EFCAB11: variants seen among roughly 807,000 people sequenced by gnomAD.
The protein encoded by EFCAB11 is EF-hand calcium-binding domain-containing protein 11.
A neutral mutation model predicts 23.0 loss-of-function variants in EFCAB11; 14 were observed. That is an observed-to-expected ratio of 0.61 (90% CI 0.40 to 0.95). The LOEUF (loss-of-function observed/expected upper bound fraction) is 0.95, where lower values mean the gene tolerates loss of function less well. EFCAB11 is among the 40% of genes least tolerant of loss of function. The pLI is 0.00. For missense variants in EFCAB11, 198 were observed against 195.8 expected (o/e 1.01, Z -0.07); for synonymous variants, 65 against 66.6 (o/e 0.98, Z 0.11).
chr14:89,838,084 C>T (rs559979697), intron 5 of EFCAB11, among the ~76,000 whole-genome samples: 27 of 152,140 alleles, frequency 1.8e-4, no homozygotes, highest in African/African-American at 5.8e-4. Context: ...CCAAAGAGAA[C>T]CTTTATAGGG....
At chr14:89,848,808 T>G (rs1487426852) in intron 5 of EFCAB11, 5 of 152,216 alleles carry the variant, frequency 3.3e-5, no homozygotes, top group African/African-American at 1.2e-4. Context: ...GCACCTGTAG[T>G]CCTAACTACT....
At chr14:89,824,123 C>A (rs527605077) in intron 5 of EFCAB11, among the ~76,000 whole-genome samples, 1 of 152,116 alleles carries the variant, frequency 6.6e-6, no homozygotes, top group South Asian at 2.1e-4. Context: ...CTATAAAAAA[C>A]AACACCATAA....
intron 5 of EFCAB11, among the ~76,000 whole-genome samples, chr14:89,851,262 T>G (rs2140139565): frequency 1.3e-5 from 2 of 152,326 alleles, no homozygotes; most frequent in Middle Eastern, 6.8e-3. Context: ...AAATCTTGGC[T>G]TGCACCCAAA....
intron 5 of EFCAB11, among the ~76,000 whole-genome samples, chr14:89,901,710 A>G (rs1889343335): frequency 6.6e-6 from 1 of 152,224 alleles, no homozygotes; most frequent in Non-Finnish European, 1.5e-5. Context: ...AATATATAAT[A>G]CAATATAAAT....
At chr14:89,848,922 G>A (rs1770212055) in intron 5 of EFCAB11, 1 of 152,152 alleles carries the variant, frequency 6.6e-6, no homozygotes, top group Non-Finnish European at 1.5e-5. Flanking sequence ...GCGAGACTCT[G>A]TCTCAAGAAA....
chr14:89,886,539 AAAAAAG>A lies in EFCAB11; in HGVS notation c.410+44996_410+45001del, dbSNP rs1232462343. ...TCTCAAAAAAAAAAAAAAAAAAAAA[AAAAAAG>A]GAAAGTGATCTGCTTTACTCAAGAT... On this transcript the variant is annotated intron_variant, in intron 5 of 5. Transcript: ENST00000316738. Among the ~76,000 whole-genome samples, 23 of 145,362 alleles carry A rather than the reference AAAAAAG, an allele frequency of 1.6e-4. 2 individuals carry two copies. The highest frequency in any genetic ancestry group is 5.3e-4 in the African/African-American group (20 of 37,850).
intron 5 of EFCAB11, among the ~76,000 whole-genome samples, chr14:89,904,972 G>A (rs1243415601): frequency 1.3e-5 from 2 of 152,122 alleles, no homozygotes; most frequent in South Asian, 2.1e-4. Context: ...AGATTTATTA[G>A]TTTTTTCTAT....
In EFCAB11 at chr14:89,932,619, G is replaced by A. The variant is rs989068234; in HGVS notation, c.226C>T (p.Leu76Phe). ...CTGACAATATTTAAAAACCCCTCGA[G>A]TAATATACCTAAAAGTTGGGGAAAA... Reference protein sequence around the residue: ...SINPNTSGILLEGFLNIVRKK... With the variant: ...SINPNTSGILFEGFLNIVRKK... Residue 76 changes from leucine (L) to phenylalanine (F), a missense_variant, in exon 4 of 6, where the codon CTC becomes TTC. By Grantham distance (22) the Leu-to-Phe change is conservative. Transcript: ENST00000316738. The A allele has an allele frequency of 7.4e-6, 12 of 1,612,538 alleles. No homozygotes were observed. The highest frequency in any genetic ancestry group is 1.0e-5 in the Non-Finnish European group (12 of 1,179,210).
At chr14:89,884,618 A>G (rs977760311) in intron 5 of EFCAB11, among the ~76,000 whole-genome samples, 3 of 152,234 alleles carry the variant, frequency 2.0e-5, no homozygotes, top group African/African-American at 7.2e-5. Flanking sequence ...TAAAACTACT[A>G]TTGTTTGAAG....
intron 3 of EFCAB11, among the ~76,000 whole-genome samples, chr14:89,944,975 AAT>A (rs565818054): frequency 0.019 from 1,845 of 98,440 alleles, 131 homozygotes; most frequent in African/African-American, 0.049. Context: ...TAGATCTAAT[AAT>A]AAATCTAATA....
intron 3 of EFCAB11, among the ~76,000 whole-genome samples, chr14:89,936,229 A>G (rs1890576650): frequency 1.3e-5 from 2 of 152,248 alleles, no homozygotes; most frequent in Admixed American, 6.5e-5. Flanking sequence ...TAGAGAAGTG[A>G]TAAAGGGAAA....
At chr14:89,924,049 A>C (rs1890109454) in intron 5 of EFCAB11, 1 of 985,534 alleles carries the variant, frequency 1.0e-6, no homozygotes, top group Admixed American at 6.1e-5. Flanking sequence ...CTGTGATATA[A>C]CATCTATATA....
At position 89,795,095 on chromosome 14, in the gene EFCAB11, A is replaced by AG. The variant is rs1885533965; in HGVS notation, c.*2147dup. 1.4e-5 allele frequency: 2 copies of AG among 146,512 alleles called. No homozygotes were observed. Among genetic ancestry groups the AG allele is most frequent in the Admixed American group, 1.4e-4 (2 of 13,988 alleles). 9.1% of individuals were successfully genotyped at this position (146,512 alleles called of 1,614,324 possible). On this transcript the variant is annotated 3_prime_UTR_variant, in exon 6 of 6. Transcript: ENST00000316738. ...CAGGTTCATGCTATTCTCCTGCCTCAGCCTCCCGAGCAGCTGGGACTACAG... is the reference window on the plus strand; with the variant it reads ...CAGGTTCATGCTATTCTCCTGCCTCAGGCCTCCCGAGCAGCTGGGACTACAG...
chr14:89,828,132 T>C (rs1276398423), intron 5 of EFCAB11, among the ~76,000 whole-genome samples: 1 of 152,216 alleles, frequency 6.6e-6, no homozygotes, highest in Non-Finnish European at 1.5e-5. Context: ...ATAATAGGTG[T>C]GTTTTTTCAT....
At chr14:89,914,476 A>G (rs767248905) in intron 5 of EFCAB11, among the ~76,000 whole-genome samples, 2 of 152,212 alleles carry the variant, frequency 1.3e-5, no homozygotes, top group East Asian at 1.9e-4. Flanking sequence ...AAAAATCTGC[A>G]TAAGTAATTA....
intron 5 of EFCAB11, among the ~76,000 whole-genome samples, chr14:89,867,848 CCT>C (rs1281987694): frequency 2.0e-5 from 3 of 152,132 alleles, no homozygotes; most frequent in Non-Finnish European, 4.4e-5. Context: ...ACTGGGAACC[CCT>C]GTGGCAGGAG....
At chr14:89,876,273 G>A (rs1248058840) in intron 5 of EFCAB11, among the ~76,000 whole-genome samples, 1 of 152,112 alleles carries the variant, frequency 6.6e-6, no homozygotes, top group Non-Finnish European at 1.5e-5. Flanking sequence ...GAGAAAAAGA[G>A]GAGGAGGAGG....
At chr14:89,869,019 T>C (rs1047032594) in intron 5 of EFCAB11, among the ~76,000 whole-genome samples, 24 of 151,386 alleles carry the variant, frequency 1.6e-4, no homozygotes, top group African/African-American at 5.4e-4. Context: ...CTGGGTAACA[T>C]AGTGAGACCT....
At chr14:89,856,595 G>A (rs1266228957) in intron 5 of EFCAB11, among the ~76,000 whole-genome samples, 1 of 152,042 alleles carries the variant, frequency 6.6e-6, no homozygotes, top group Non-Finnish European at 1.5e-5. Flanking sequence ...GCCAATATTG[G>A]TTATCTTTTA....
Sources: allele counts gnomAD v4.1 joint callset (sites outside exome capture counted in the v4.1 genomes callset), GRCh38; gene constraint gnomAD v4.1.1; transcripts MANE v1.5; gene names NCBI Gene and HGNC (gene_info 2026-07-23, HGNC 2026-07-21).